MAL: variants seen among roughly 807,000 people sequenced by gnomAD.
MAL encodes mal, T cell differentiation protein (MAL blood group).
MAL carries 5 observed loss-of-function variants against 16.7 expected under a neutral mutation model. That is an observed-to-expected ratio of 0.30 (90% CI 0.16 to 0.63). The LOEUF (loss-of-function observed/expected upper bound fraction) is 0.63. Among genes scored for constraint, MAL ranks in the 30% least tolerant of loss-of-function variants. The pLI is 0.82. For synonymous variants in MAL, 96 were observed against 85.5 expected (o/e 1.12, Z -0.67); for missense variants, 202 against 195.8 (o/e 1.03, Z -0.19).
intron 1 of MAL, among the ~76,000 whole-genome samples, chr2:95,045,288 C>A (rs1434491107): frequency 3.3e-5 from 5 of 152,220 alleles, no homozygotes; most frequent in African/African-American, 1.2e-4. Context: ...CGGGGTCCCA[C>A]TGGGATTCCA....
chr2:95,048,158 AGG>A (rs751633293), intron 2 of MAL, 32 bp downstream of exon 2: 3 of 1,573,764 alleles, frequency 1.9e-6, no homozygotes, highest in South Asian at 2.2e-5. Context: ...TGCTGGTTGT[AGG>A]GGGGCGCAGG....
intron 1 of MAL, among the ~76,000 whole-genome samples, chr2:95,037,368 GTGAGTGACTGAGTGAT>G (rs1674251564): frequency 2.0e-5 from 3 of 150,312 alleles, no homozygotes; most frequent in Non-Finnish European, 4.5e-5. Flanking sequence ...GACTGAGTGA[GTGAGTGACTGAGTGAT>G]TGACTGAGTG....
chr2:95,045,461 A>G (rs1232679633), intron 1 of MAL, among the ~76,000 whole-genome samples: 2 of 152,198 alleles, frequency 1.3e-5, no homozygotes, highest in Non-Finnish European at 2.9e-5. Context: ...GGTCCCCACC[A>G]GTGAGGCAGC....
At chr2:95,032,168 G>T (rs1326005385) in intron 1 of MAL, among the ~76,000 whole-genome samples, 2 of 152,260 alleles carry the variant, frequency 1.3e-5, no homozygotes, top group African/African-American at 2.4e-5. Context: ...GCTGCTGCCA[G>T]CAGCGCTCAC....
chr2:95,028,191 C>T (rs1172693278), intron 1 of MAL, among the ~76,000 whole-genome samples: 1 of 148,532 alleles, frequency 6.7e-6, no homozygotes, highest in East Asian at 2.0e-4. Flanking sequence ...GCTTGGGTGG[C>T]TCATGCCTGT....
chr2:95,042,950 G>A (rs1048693935), intron 1 of MAL, among the ~76,000 whole-genome samples: 1 of 152,164 alleles, frequency 6.6e-6, no homozygotes, highest in African/African-American at 2.4e-5. Context: ...AGCAGGGCAG[G>A]AACCAGATTT....
At position 95,049,574 on chromosome 2, in the gene MAL, C is replaced by T. The variant is rs770475641; in HGVS notation, c.262-7C>T. On this transcript the variant is annotated splice_region_variant and splice_polypyrimidine_tract_variant and intron_variant, in intron 2 of 3. Transcript: ENST00000309988. ...CCCATCCCTCTGACACCCCGTCTGCCCCATAGGACGCAGCCTACCACTGCA... is the reference window on the plus strand; with the variant it reads ...CCCATCCCTCTGACACCCCGTCTGCTCCATAGGACGCAGCCTACCACTGCA... The T allele has an allele frequency of 1.2e-6, 2 of 1,614,116 alleles. No individual in the cohort carries two copies. The highest frequency in any genetic ancestry group is 2.2e-5 in the East Asian group (1 of 44,874).
At chr2:95,033,515 C>T (rs150827595) in intron 1 of MAL, among the ~76,000 whole-genome samples, 71 of 152,042 alleles carry the variant, frequency 4.7e-4, no homozygotes, top group African/African-American at 1.5e-3. Context: ...CATGTTAACG[C>T]GCCTGTAATC....
In MAL at chr2:95,048,192, T is replaced by G. The variant is rs948144677; in HGVS notation, c.261+66T>G. ...CAGGAAGTACTGGTCCCTGGCCCAG[T>G]AGGATGGGCTTTTCCAGTGCCAGGT... On this transcript the variant is annotated intron_variant, in intron 2 of 3. Coordinates refer to ENST00000309988, the MANE Select transcript of MAL (RefSeq NM_002371.4). The G allele has an allele frequency of 4.1e-6, 6 of 1,475,478 alleles. No individual in the cohort carries two copies. In the Admixed American group the frequency reaches 1.0e-4, roughly 25 times the overall value. 91.4% of individuals were successfully genotyped at this position (1,475,478 alleles called of 1,614,324 possible). A position where few individuals can be genotyped will look rare whatever the true frequency, so the allele number is the denominator to read the frequency against.
chr2:95,041,202 A>G (rs1674455676), intron 1 of MAL, among the ~76,000 whole-genome samples: 1 of 152,234 alleles, frequency 6.6e-6, no homozygotes, highest in African/African-American at 2.4e-5. Flanking sequence ...TGGAAACTCC[A>G]GACGAATCTC....
At chr2:95,043,816 C>T (rs1400225148) in intron 1 of MAL, among the ~76,000 whole-genome samples, 1 of 152,250 alleles carries the variant, frequency 6.6e-6, no homozygotes, top group African/African-American at 2.4e-5. Flanking sequence ...TGGGCATCTC[C>T]TGGGCAGTGC....
At chr2:95,032,989 G>A (rs1274423494) in intron 1 of MAL, among the ~76,000 whole-genome samples, 1 of 152,358 alleles carries the variant, frequency 6.6e-6, no homozygotes, top group East Asian at 1.9e-4. Flanking sequence ...CCTCCGCAGC[G>A]GGAAGAGAAG....
chr2:95,034,889 C>A (rs1483220176), intron 1 of MAL, among the ~76,000 whole-genome samples: 1 of 152,186 alleles, frequency 6.6e-6, no homozygotes, highest in Admixed American at 6.5e-5. Flanking sequence ...ATCCTGCAGA[C>A]CTTTGCTTAT....
Position 95,048,027 on chromosome 2 carries a change from G to A in MAL, c.162G>A (p.Trp54Ter). Reference protein sequence around the residue: ...SLVPWPLVQGWVMFVSVFCFV... With the variant: ...SLVPWPLVQG ...TGCCCTGGCCCCTGGTCCAGGGCTG[G>A]GTGATGTTCGTGTCTGTGTTCTGCT... is the stretch of plus-strand genomic sequence containing the variant. The change falls in exon 2 of 4, where the codon TGG becomes TGA. Residue 54 changes from tryptophan to a stop codon, truncating the protein, a stop_gained. Coordinates refer to ENST00000309988, the MANE Select transcript of MAL (RefSeq NM_002371.4). LOFTEE classifies it high-confidence loss of function. 6.2e-7 allele frequency: 1 copy of A among 1,613,922 alleles called. No homozygotes were observed. The highest frequency in any genetic ancestry group is 8.5e-7 in the Non-Finnish European group (1 of 1,179,922).
At chr2:95,039,336 GTGAGTGAGTGAGTGAC>G (rs1252233290) in intron 1 of MAL, among the ~76,000 whole-genome samples, 6 of 150,136 alleles carry the variant, frequency 4.0e-5, no homozygotes, top group African/African-American at 9.8e-5. Context: ...GACTGAGTGA[GTGAGTGAGTGAGTGAC>G]TGACTGACTG....
At chr2:95,031,632 A>G (rs1335733475) in intron 1 of MAL, among the ~76,000 whole-genome samples, 1 of 152,176 alleles carries the variant, frequency 6.6e-6, no homozygotes, top group African/African-American at 2.4e-5. Context: ...TGTTCTGGAG[A>G]AAGTTCCCTG....
chr2:95,052,768 C>G (rs910347118), intron 3 of MAL, among the ~76,000 whole-genome samples: 5 of 152,214 alleles, frequency 3.3e-5, no homozygotes, highest in African/African-American at 1.2e-4. Context: ...ATGGTCCCAA[C>G]AGTAAGGCCC....
intron 2 of MAL, among the ~76,000 whole-genome samples, chr2:95,048,671 G>A (rs1674645004): frequency 6.6e-6 from 1 of 152,228 alleles, no homozygotes; most frequent in African/African-American, 2.4e-5. Flanking sequence ...ACTTTTACAT[G>A]TAGGACACTT....
At chr2:95,052,423 A>C (rs1275954239) in intron 3 of MAL, among the ~76,000 whole-genome samples, 1 of 152,166 alleles carries the variant, frequency 6.6e-6, no homozygotes, top group Non-Finnish European at 1.5e-5. Context: ...ACGTTCTCTT[A>C]AATGTGTTAT....
Sources: allele counts gnomAD v4.1 joint callset (sites outside exome capture counted in the v4.1 genomes callset), GRCh38; gene constraint gnomAD v4.1.1; transcripts MANE v1.5; gene names NCBI Gene and HGNC (gene_info 2026-07-23, HGNC 2026-07-21).